PTBP2: variants seen among roughly 807,000 people sequenced by gnomAD.
PTBP2 encodes polypyrimidine tract-binding protein 2.
A neutral mutation model predicts 61.4 loss-of-function variants in PTBP2; 13 were observed. The ratio of observed to expected loss-of-function variants is 0.21; its 90% CI spans 0.14 to 0.34. The LOEUF is 0.34. Ranked by LOEUF, PTBP2 falls within the 10% of genes least tolerant of loss-of-function variation. PTBP2 has a pLI of 1.00. For synonymous variants in PTBP2, 215 were observed against 218.5 expected (o/e 0.98, Z 0.14); for missense variants, 405 against 642.6 (o/e 0.63, Z 4.00).
chr1:96,811,790 T>C (rs530460734), intron 11 of PTBP2, among the ~76,000 whole-genome samples: 2 of 152,344 alleles, frequency 1.3e-5, no homozygotes, highest in South Asian at 2.1e-4. Flanking sequence ...GCATGACATA[T>C]TAGAAATGGT....
Position 96,813,533 on chromosome 1 carries a change from T to TC in PTBP2, c.*130dup, listed in dbSNP as rs1402187018. ...GTTTTTTTGGGGTTTCTTTTTTTTT[T>TC]CCATGCTGTTATCATTCCTTGGTTA... is the stretch of plus-strand genomic sequence containing the variant. On this transcript the variant is annotated 3_prime_UTR_variant, in exon 14 of 14. Coordinates refer to ENST00000674951, the MANE Select transcript of PTBP2 (RefSeq NM_021190.4). 8.9e-6 allele frequency: 8 copies of TC among 897,720 alleles called. No individual in the cohort carries two copies. The South Asian group carries it at 2.1e-4, about 23-fold the overall frequency. The allele number at this position is 897,720 out of a possible 1,614,324, so 55.6% of individuals were successfully genotyped here.
At chr1:96,729,606 A>G (rs1046718012) in intron 2 of PTBP2, among the ~76,000 whole-genome samples, 1 of 152,056 alleles carries the variant, frequency 6.6e-6, no homozygotes, top group Non-Finnish European at 1.5e-5. Flanking sequence ...TATTTAATAG[A>G]TATAGGGCTA....
chr1:96,782,309 T>TC lies in PTBP2; in HGVS notation c.709-2750_709-2749insC, dbSNP rs1372494396. Among the ~76,000 whole-genome samples the TC allele has an allele frequency of 2.0e-5, 3 of 152,034 alleles. No homozygotes were observed. In the East Asian group the frequency reaches 5.8e-4, roughly 29 times the overall value. On this transcript the variant is annotated intron_variant, in intron 7 of 13. Transcript: ENST00000674951. ...GAGATTCCATTTCATCACTAACTGA[T>TC]AATAAAAATAAATATGAGATAAAAC...
downstream of PTBP2, chr1:96,815,893 AG>A (rs922078178): frequency 6.6e-6 from 1 of 152,204 alleles, no homozygotes; most frequent in African/African-American, 2.4e-5. Flanking sequence ...ATAAGTCTAA[AG>A]TCTAAAAAAC....
Position 96,813,236 on chromosome 1 carries a change from T to C in PTBP2, c.1467-40T>C, listed in dbSNP as rs1399537700. ...CAAGTATTTAATAAGCCCTTTCTAA[T>C]TTGTATGAAGTGTCTAATTTTATAA... On this transcript the variant is annotated intron_variant, in intron 13 of 13. Coordinates refer to ENST00000674951, the MANE Select transcript of PTBP2 (RefSeq NM_021190.4). 3.2e-6 allele frequency: 5 copies of C among 1,567,280 alleles called. No individual in the cohort carries two copies. In the Admixed American group the frequency reaches 1.0e-4, roughly 32 times the overall value.
intron 3 of PTBP2, among the ~76,000 whole-genome samples, chr1:96,763,811 A>T (rs907230053): frequency 6.6e-6 from 1 of 151,880 alleles, no homozygotes; most frequent in Non-Finnish European, 1.5e-5. Context: ...AGATTTTTCT[A>T]TTTTTTTTCT....
intron 8 of PTBP2, among the ~76,000 whole-genome samples, chr1:96,803,294 T>C (rs1661204884): frequency 6.6e-6 from 1 of 152,090 alleles, no homozygotes; most frequent in South Asian, 2.1e-4. Context: ...CATGAGTTGA[T>C]CATTGTTAAA....
At chr1:96,745,290 G>A (rs1293860636) in intron 2 of PTBP2, among the ~76,000 whole-genome samples, 1 of 151,946 alleles carries the variant, frequency 6.6e-6, no homozygotes, top group African/African-American at 2.4e-5. Context: ...AGCCTCCCGA[G>A]TAGCTGGGAC....
At chr1:96,792,269 CTG>C (rs1373414916) in intron 8 of PTBP2, among the ~76,000 whole-genome samples, 6 of 152,124 alleles carry the variant, frequency 3.9e-5, no homozygotes, top group African/African-American at 1.4e-4. Context: ...TTTTTGTGTT[CTG>C]TGTCAGGCAC....
exon 14 of PTBP2, chr1:96,823,144 G>T (rs1202115334): frequency 6.6e-6 from 1 of 152,288 alleles, no homozygotes; most frequent in Non-Finnish European, 1.5e-5. Context: ...TGTATCTTTA[G>T]TAGAGACGGT....
chr1:96,796,793 G>A (rs929743502), intron 8 of PTBP2, among the ~76,000 whole-genome samples: 1 of 151,174 alleles, frequency 6.6e-6, no homozygotes, highest in African/African-American at 2.4e-5. Flanking sequence ...GTCAAGTCAA[G>A]GGAGAATAGA....
At chr1:96,787,410 C>A (rs903632135) in intron 8 of PTBP2, among the ~76,000 whole-genome samples, 4 of 152,168 alleles carry the variant, frequency 2.6e-5, no homozygotes, top group Non-Finnish European at 4.4e-5. Context: ...TGTCTAGTGT[C>A]TTTTTCCACT....
At chr1:96,745,394 C>A (rs1653617430) in intron 2 of PTBP2, among the ~76,000 whole-genome samples, 3 of 152,040 alleles carry the variant, frequency 2.0e-5, no homozygotes, top group Admixed American at 2.0e-4. Context: ...GATCTCATGA[C>A]CTCGTGATCC....
At chr1:96,725,624 G>T (rs1650317900) in intron 2 of PTBP2, among the ~76,000 whole-genome samples, 1 of 152,038 alleles carries the variant, frequency 6.6e-6, no homozygotes, top group African/African-American at 2.4e-5. Context: ...AAAATCCATT[G>T]TTTAATATAA....
chr1:96,755,252 C>T (rs903550072), intron 3 of PTBP2, among the ~76,000 whole-genome samples: 51 of 152,098 alleles, frequency 3.4e-4, no homozygotes, highest in African/African-American at 1.2e-3. Flanking sequence ...AGCTGGTCAG[C>T]ATCATTAGTT....
chr1:96,748,906 T>A (rs1654175290), intron 2 of PTBP2, among the ~76,000 whole-genome samples: 1 of 152,202 alleles, frequency 6.6e-6, no homozygotes, highest in Non-Finnish European at 1.5e-5. Context: ...TGGTAAGCTT[T>A]TTGCTCAATG....
chr1:96,768,467 C>A (rs1471159783), intron 3 of PTBP2, among the ~76,000 whole-genome samples: 2 of 151,862 alleles, frequency 1.3e-5, no homozygotes, highest in African/African-American at 4.8e-5. Context: ...AAGTTTTATA[C>A]AAAATGGAGT....
intron 8 of PTBP2, among the ~76,000 whole-genome samples, chr1:96,802,596 A>C (rs553191167): frequency 6.6e-6 from 1 of 152,312 alleles, no homozygotes; most frequent in African/African-American, 2.4e-5. Context: ...GCAAAGATCT[A>C]GTCCAAATAT....
chr1:96,810,717 T>C (rs952826780), intron 11 of PTBP2, among the ~76,000 whole-genome samples: 1 of 152,220 alleles, frequency 6.6e-6, no homozygotes, highest in African/African-American at 2.4e-5. Context: ...ACTTTATTTC[T>C]CAAACTCACA....
Sources: gnomAD v4.1 joint callset for allele counts (sites outside exome capture counted in the v4.1 genomes callset) on GRCh38, gnomAD v4.1.1 for gene constraint, MANE v1.5 for transcripts, NCBI Gene and HGNC (gene_info 2026-07-23, HGNC 2026-07-21) for gene names.